Variants in RASSF5 observed in about 807,000 individuals in gnomAD.
RASSF5 encodes Ras association domain family member 5.
A neutral mutation model predicts 40.5 loss-of-function variants in RASSF5; 25 were observed. That is an observed-to-expected ratio of 0.62 (90% confidence interval 0.45 to 0.86). RASSF5 has a LOEUF of 0.86. Ranked by LOEUF, RASSF5 falls within the 40% of genes least tolerant of loss-of-function variation. The pLI, the probability that RASSF5 is intolerant of heterozygous loss-of-function variation, is 0.00. For synonymous variants in RASSF5, 246 were observed against 252.4 expected (o/e 0.97, Z 0.24); for missense variants, 521 against 572.8 (o/e 0.91, Z 0.92).
intron 1 of RASSF5, among the ~76,000 whole-genome samples, chr1:206,536,298 C>T (rs1327480460): frequency 6.6e-6 from 1 of 152,116 alleles, no homozygotes; most frequent in East Asian, 1.9e-4. Flanking sequence ...CGTAGAGAAG[C>T]GTGGGATCTG....
chr1:206,587,787 TCATTGAC>T lies in RASSF5; in HGVS notation c.*814_*820del, dbSNP rs1473292052. On this transcript the variant is annotated 3_prime_UTR_variant, in exon 6 of 6. Transcript: ENST00000579436. ...ATGTGTTTCCCCAAAGGGAAGCCAG[TCATTGAC>T]CATTTAAAAAGTCTCCTGCTAAGTA... 3.9e-5 allele frequency: 6 copies of T among 152,434 alleles called. No individual in the cohort carries two copies. Among genetic ancestry groups the T allele is most frequent in the African/African-American group, 1.4e-4 (6 of 41,476 alleles). The allele number at this position is 152,434 out of a possible 1,614,324, so 9.4% of individuals were successfully genotyped here. A position where few individuals can be genotyped will look rare whatever the true frequency, so the allele number is the denominator to read the frequency against.
At chr1:206,532,585 A>T (rs1667270832) in intron 1 of RASSF5, among the ~76,000 whole-genome samples, 1 of 152,216 alleles carries the variant, frequency 6.6e-6, no homozygotes, top group African/African-American at 2.4e-5. Context: ...AGGCATAGGG[A>T]TGTTCAGAGA....
intron 3 of RASSF5, 59 bp downstream of exon 3, chr1:206,583,438 G>T: frequency 8.6e-7 from 1 of 1,162,736 alleles, no homozygotes; most frequent in East Asian, 2.4e-5. Context: ...CGGGTTTGGC[G>T]CCTCTGCCCT....
chr1:206,534,225 C>T (rs1420239130), intron 1 of RASSF5, among the ~76,000 whole-genome samples: 1 of 152,140 alleles, frequency 6.6e-6, no homozygotes, highest in Non-Finnish European at 1.5e-5. Context: ...GGTTTGTCTC[C>T]TTCATTTCCC....
chr1:206,539,045 G>A (rs142333642), intron 2 of RASSF5, among the ~76,000 whole-genome samples: 3 of 152,332 alleles, frequency 2.0e-5, no homozygotes, highest in African/African-American at 7.2e-5. Context: ...TGGATATATA[G>A]TGCAATTGTT....
At chr1:206,546,026 C>T (rs1268477886) in intron 2 of RASSF5, among the ~76,000 whole-genome samples, 2 of 144,900 alleles carry the variant, frequency 1.4e-5, no homozygotes, top group African/African-American at 2.6e-5. Context: ...TCTCGGCTCA[C>T]GATATAGCTA....
At chr1:206,553,068 G>A (rs1174828916) in intron 2 of RASSF5, among the ~76,000 whole-genome samples, 2 of 152,122 alleles carry the variant, frequency 1.3e-5, no homozygotes, top group Admixed American at 6.6e-5. Flanking sequence ...CGGGTGTGGT[G>A]GCGGGCGCCT....
intron 2 of RASSF5, among the ~76,000 whole-genome samples, chr1:206,561,267 C>T (rs1553402555): frequency 6.6e-6 from 1 of 152,226 alleles, no homozygotes; most frequent in Non-Finnish European, 1.5e-5. Context: ...TAACACCCCT[C>T]CAGGACTCCT....
chr1:206,540,271 AGGCCTGGAGTT>A (rs1275253775), intron 2 of RASSF5, among the ~76,000 whole-genome samples: 1 of 152,244 alleles, frequency 6.6e-6, no homozygotes, highest in African/African-American at 2.4e-5. Flanking sequence ...GGCCCAGGGA[AGGCCTGGAGTT>A]GGCTGGATTC....
chr1:206,572,562 GC>G (rs1445536598), intron 2 of RASSF5: 7 of 152,296 alleles, frequency 4.6e-5, no homozygotes, highest in Non-Finnish European at 1.0e-4. Flanking sequence ...AAAACCCTCA[GC>G]CCCAGCACAC....
chr1:206,565,938 A>G (rs566307488), intron 2 of RASSF5, among the ~76,000 whole-genome samples: 27 of 152,284 alleles, frequency 1.8e-4, no homozygotes, highest in African/African-American at 6.3e-4. Flanking sequence ...GTCCCCATGC[A>G]GGACTGCACA....
At chr1:206,511,807 G>A (rs990138931) in intron 1 of RASSF5, among the ~76,000 whole-genome samples, 19 of 152,256 alleles carry the variant, frequency 1.2e-4, no homozygotes, top group African/African-American at 4.1e-4. Flanking sequence ...TATTGGCTGG[G>A]TTCAGCTCCA....
chr1:206,543,282 A>C (rs1352754579), intron 2 of RASSF5: 1 of 149,972 alleles, frequency 6.7e-6, no homozygotes, highest in Non-Finnish European at 1.5e-5. Context: ...TTTGTGGGAG[A>C]TGCTGCCCTA....
chr1:206,529,294 C>G lies in RASSF5; in HGVS notation c.458-8878C>G, dbSNP rs12082907. 2.6e-3 allele frequency: 2,165 copies of G among 835,186 alleles called. 33 individuals are homozygous for G. The African/African-American group carries it at 0.033, about 13-fold the overall frequency. The allele number at this position is 835,186 out of a possible 1,614,324, so 51.7% of individuals were successfully genotyped here. On this transcript the variant is annotated intron_variant, in intron 1 of 5. Transcript: ENST00000579436. ...GCTGCCGGCAAAGGGGACGTCCCCA[C>G]TAAGAGACCACCTGTCCTTCGAGCA...
At chr1:206,583,449 C>T in intron 3 of RASSF5, 70 bp downstream of exon 3, 1 of 1,044,022 alleles carries the variant, frequency 9.6e-7, no homozygotes, top group Non-Finnish European at 1.5e-6. Flanking sequence ...CCTCTGCCCT[C>T]ACTCTGAATT....
intron 1 of RASSF5, among the ~76,000 whole-genome samples, chr1:206,527,260 G>A (rs890521798): frequency 5.3e-5 from 8 of 152,226 alleles, no homozygotes; most frequent in African/African-American, 1.9e-4. Context: ...TGGCTGGTAA[G>A]TGGGTGCGCT....
At chr1:206,569,226 TG>T (rs1668371837) in intron 2 of RASSF5, among the ~76,000 whole-genome samples, 1 of 152,168 alleles carries the variant, frequency 6.6e-6, no homozygotes, top group Non-Finnish European at 1.5e-5. Context: ...CAAGCCCCAG[TG>T]GGGTACAGAA....
chr1:206,554,259 A>G (rs1391484676), intron 2 of RASSF5, among the ~76,000 whole-genome samples: 1 of 152,174 alleles, frequency 6.6e-6, no homozygotes, highest in African/African-American at 2.4e-5. Context: ...GTTGCTCAAG[A>G]TACCATATCA....
intron 1 of RASSF5, among the ~76,000 whole-genome samples, chr1:206,515,749 A>T (rs765801916): frequency 2.0e-4 from 30 of 152,242 alleles, no homozygotes; most frequent in Non-Finnish European, 8.8e-5. Flanking sequence ...ATTTGGGAAC[A>T]GGTACCATTG....
Sources: gnomAD v4.1 joint callset for allele counts (sites outside exome capture counted in the v4.1 genomes callset) on GRCh38, gnomAD v4.1.1 for gene constraint, MANE v1.5 for transcripts, NCBI Gene and HGNC (gene_info 2026-07-23, HGNC 2026-07-21) for gene names.